CACNA2D1: variants seen among roughly 807,000 people sequenced by gnomAD.
The protein encoded by CACNA2D1 is voltage-dependent calcium channel subunit alpha-2/delta-1.
Under a neutral mutation model 171.5 loss-of-function variants are expected in CACNA2D1, and 53 were observed. The observed-to-expected ratio is 0.31, with a 90% CI of 0.25 to 0.39. The LOEUF (loss-of-function observed/expected upper bound fraction) is 0.39, where lower values mean the gene tolerates loss of function less well. CACNA2D1 is among the 10% of genes least tolerant of loss of function. The probability of loss-of-function intolerance (pLI) is 1.00; values close to 1 mark genes in which losing one functional copy is unlikely to be tolerated. For missense variants in CACNA2D1, 903 were observed against 1,299.8 expected (o/e 0.69, Z 4.69); for synonymous variants, 442 against 443.1 (o/e 1.00, Z 0.03).
intron 1 of CACNA2D1, among the ~76,000 whole-genome samples, chr7:82,423,235 T>C (rs879710960): frequency 3.9e-5 from 6 of 152,098 alleles, no homozygotes; most frequent in Non-Finnish European, 7.4e-5. Flanking sequence ...ATACACTTTC[T>C]TTAACGTAGA....
At chr7:82,186,235 G>GAAGGAAGGAAGGAAGA (rs1797745022) in intron 3 of CACNA2D1, among the ~76,000 whole-genome samples, 3 of 95,710 alleles carry the variant, frequency 3.1e-5, no homozygotes, top group African/African-American at 7.6e-5. Context: ...GAGAGAGAAG[G>GAAGGAAGGAAGGAAGA]AAGGAAGGAA....
At chr7:82,035,063 C>CA (rs1003839054) in intron 11 of CACNA2D1, among the ~76,000 whole-genome samples, 14 of 151,608 alleles carry the variant, frequency 9.2e-5, no homozygotes, top group African/African-American at 2.4e-4. Context: ...CAAATTAAGC[C>CA]AAAAAAACAA....
intron 21 of CACNA2D1, among the ~76,000 whole-genome samples, chr7:81,985,023 A>G (rs536963199): frequency 1.3e-5 from 2 of 152,148 alleles, no homozygotes; most frequent in East Asian, 3.9e-4. Flanking sequence ...AAATTATATT[A>G]AATTACTTTG....
rs139948433 is a variant in CACNA2D1, at chr7:82,155,584, T to C, written c.354+14966A>G. On this transcript the variant is annotated intron_variant, in intron 4 of 38. Coordinates refer to ENST00000356860, the MANE Select transcript of CACNA2D1 (RefSeq NM_000722.4). ...TAAATCCTAACTCTCTCAACTTCTG[T>C]ATGAAAAGGTTCCCTCCTGGAGCTT... Among the ~76,000 whole-genome samples the C allele has an allele frequency of 2.8e-4, 42 of 152,286 alleles. No homozygotes were observed. In the East Asian group the frequency reaches 7.7e-3, roughly 28 times the overall value.
intron 1 of CACNA2D1, among the ~76,000 whole-genome samples, chr7:82,418,567 T>C (rs578055944): frequency 6.6e-6 from 1 of 152,300 alleles, no homozygotes; most frequent in Non-Finnish European, 1.5e-5. Context: ...ACAGAGATTC[T>C]GGGCTTCCAT....
At chr7:82,054,160 A>T (rs1159510644) in intron 10 of CACNA2D1, among the ~76,000 whole-genome samples, 1 of 152,242 alleles carries the variant, frequency 6.6e-6, no homozygotes, top group African/African-American at 2.4e-5. Context: ...TTAGTTGCTG[A>T]CTAAATGTTG....
intron 3 of CACNA2D1, among the ~76,000 whole-genome samples, chr7:82,293,686 ATC>A (rs1263601077): frequency 1.3e-5 from 2 of 152,188 alleles, no homozygotes; most frequent in Non-Finnish European, 1.5e-5. Flanking sequence ...AGCTCCAGCT[ATC>A]TCTGAGTCCA....
rs569274504 is a variant in CACNA2D1 at position 82,442,193 on chromosome 7, A to G, written c.95+1172T>C. ...AAATACTTAAAACTGAATCTTAAAT[A>G]ATAGCCGCAGGATTTCAACCGCTAA... is the stretch of plus-strand genomic sequence containing the variant. On this transcript the variant is annotated intron_variant, in intron 1 of 38. Transcript: ENST00000356860. Among the ~76,000 whole-genome samples, 10 of 152,332 alleles carry G rather than the reference A, an allele frequency of 6.6e-5. No individual in the cohort carries two copies. In the East Asian group the frequency reaches 1.7e-3, roughly 26 times the overall value.
At chr7:82,009,346 T>C (rs1194562983) in intron 15 of CACNA2D1, 1 of 152,238 alleles carries the variant, frequency 6.6e-6, no homozygotes, top group East Asian at 1.9e-4. Context: ...ACTCATACAG[T>C]GATAGACACA....
intron 3 of CACNA2D1, among the ~76,000 whole-genome samples, chr7:82,302,342 G>A (rs1270571040): frequency 1.3e-5 from 2 of 151,840 alleles, no homozygotes; most frequent in Non-Finnish European, 1.5e-5. Flanking sequence ...ATACTTTCAC[G>A]GCCCAATTTG....
At chr7:82,307,298 G>A (rs1813853765) in intron 3 of CACNA2D1, among the ~76,000 whole-genome samples, 1 of 151,806 alleles carries the variant, frequency 6.6e-6, no homozygotes, top group Non-Finnish European at 1.5e-5. Flanking sequence ...GAATTTACAG[G>A]TATGCGCCAC....
chr7:81,970,915 G>A (rs1462666239), intron 26 of CACNA2D1, 178 bp from the exon 27 acceptor site: 5 of 582,436 alleles, frequency 8.6e-6, no homozygotes, highest in Non-Finnish European at 1.5e-5. Context: ...GGATGTTTAA[G>A]GAAGACATCT....
chr7:82,049,169 T>C (rs184336122), intron 10 of CACNA2D1, among the ~76,000 whole-genome samples: 1 of 151,280 alleles, frequency 6.6e-6, no homozygotes, highest in East Asian at 1.9e-4. Context: ...CCTTGGCGGC[T>C]TTGCCCTGCT....
Position 82,180,527 on chromosome 7 carries a change from C to T in CACNA2D1, c.295-9918G>A, listed in dbSNP as rs938592898. ...TTAGGGCAAAATCTCAGACCCTTTA[C>T]ATTTCTTGACACCCATGTTGTACTT... On this transcript the variant is annotated intron_variant, in intron 3 of 38. Transcript: ENST00000356860. 6.6e-5 allele frequency among the ~76,000 whole-genome samples: 10 copies of T among 152,128 alleles called. No homozygotes were observed. In the South Asian group the frequency reaches 8.3e-4, roughly 13 times the overall value.
At chr7:81,989,627 G>A (rs141346817) in intron 21 of CACNA2D1, among the ~76,000 whole-genome samples, 1 of 152,296 alleles carries the variant, frequency 6.6e-6, no homozygotes, top group East Asian at 1.9e-4. Context: ...CCCACTTGAG[G>A]TTAGAGGTCA....
At chr7:82,439,263 T>A (rs993519292) in intron 1 of CACNA2D1, among the ~76,000 whole-genome samples, 1 of 152,064 alleles carries the variant, frequency 6.6e-6, no homozygotes, top group Non-Finnish European at 1.5e-5. Context: ...TATATACTCC[T>A]ATATATACTA....
At chr7:82,066,828 AT>A (rs1036056896) in intron 7 of CACNA2D1, among the ~76,000 whole-genome samples, 1 of 152,008 alleles carries the variant, frequency 6.6e-6, no homozygotes, top group Non-Finnish European at 1.5e-5. Flanking sequence ...AGAGGTTATA[AT>A]TTTTTTCCTA....
intron 3 of CACNA2D1, among the ~76,000 whole-genome samples, chr7:82,170,987 T>A (rs1340666053): frequency 1.3e-5 from 2 of 152,046 alleles, no homozygotes; most frequent in Non-Finnish European, 2.9e-5. Flanking sequence ...TACATTTCTC[T>A]TAAAAAATGA....
intron 7 of CACNA2D1, among the ~76,000 whole-genome samples, chr7:82,072,886 C>T (rs1808495570): frequency 6.6e-6 from 1 of 151,974 alleles, no homozygotes; most frequent in Admixed American, 6.6e-5. Context: ...ATAGTTGGCA[C>T]AAAATAAGCA....
Sources: allele counts gnomAD v4.1 joint callset (sites outside exome capture counted in the v4.1 genomes callset), GRCh38; gene constraint gnomAD v4.1.1; transcripts MANE v1.5; gene names NCBI Gene and HGNC (gene_info 2026-07-23, HGNC 2026-07-21).